The following SH3GL3 variants were observed in gnomAD, a reference collection of about 807,000 sequenced individuals.
SH3GL3 encodes endophilin-A3.
A neutral mutation model predicts 47.7 loss-of-function variants in SH3GL3; 33 were observed. The observed-to-expected ratio is 0.69, with a 90% CI of 0.52 to 0.92. The LOEUF is 0.92. Among genes scored for constraint, SH3GL3 ranks in the 40% least tolerant of loss-of-function variants. The pLI is 0.00. For synonymous variants in SH3GL3, 155 were observed against 148.8 expected (o/e 1.04, Z -0.30); for missense variants, 363 against 417.8 (o/e 0.87, Z 1.14).
At chr15:83,576,526 T>G in intron 5 of SH3GL3, 57 bp from the exon 6 acceptor site, 1 of 1,474,312 alleles carries the variant, frequency 6.8e-7, no homozygotes, top group Admixed American at 2.2e-5. Flanking sequence ...GAAATAATTT[T>G]TTGTGCCAGG....
chr15:83,612,941 A>T (rs1056798294), intron 8 of SH3GL3, among the ~76,000 whole-genome samples: 3 of 152,212 alleles, frequency 2.0e-5, no homozygotes, highest in African/African-American at 7.2e-5. Flanking sequence ...ATGTTTCACA[A>T]CTGAAATGGT....
chr15:83,588,831 T>C, intron 8 of SH3GL3, 60 bp downstream of exon 8: 1 of 863,146 alleles, frequency 1.2e-6, no homozygotes, highest in Non-Finnish European at 2.0e-6. Context: ...TAGAAACACT[T>C]ATTTACTGCT....
chr15:83,450,254 T>C (rs969292047), intron 1 of SH3GL3, among the ~76,000 whole-genome samples: 1 of 152,190 alleles, frequency 6.6e-6, no homozygotes, highest in Non-Finnish European at 1.5e-5. Flanking sequence ...TTTAAGAGAA[T>C]TGTATGGTAT....
At chr15:83,611,710 C>G (rs1210585920) in intron 8 of SH3GL3, 1 of 152,278 alleles carries the variant, frequency 6.6e-6, no homozygotes, top group Non-Finnish European at 1.5e-5. Context: ...TAGGATCAGT[C>G]TTTTCTTACG....
At chr15:83,605,818 C>G (rs1372310924) in intron 8 of SH3GL3, among the ~76,000 whole-genome samples, 2 of 152,012 alleles carry the variant, frequency 1.3e-5, no homozygotes, top group Non-Finnish European at 2.9e-5. Context: ...CCCCTCTGTC[C>G]CCAAAGAGAA....
At chr15:83,615,860 G>T (rs1263334854) in intron 8 of SH3GL3, among the ~76,000 whole-genome samples, 1 of 151,958 alleles carries the variant, frequency 6.6e-6, no homozygotes, top group Non-Finnish European at 1.5e-5. Flanking sequence ...AATCCAAATA[G>T]ATTATAAAAG....
intron 1 of SH3GL3, among the ~76,000 whole-genome samples, chr15:83,494,735 G>T (rs990296504): frequency 6.6e-6 from 1 of 152,016 alleles, no homozygotes; most frequent in Non-Finnish European, 1.5e-5. Context: ...TAGAGATGGG[G>T]TTTCACCATG....
At chr15:83,595,616 T>C (rs1226766081) in intron 8 of SH3GL3, among the ~76,000 whole-genome samples, 2 of 88,442 alleles carry the variant, frequency 2.3e-5, no homozygotes, top group East Asian at 5.9e-4. Flanking sequence ...AAGTTACTCC[T>C]TGTTTTTTTT....
chr15:83,546,417 T>C (rs1315756163), intron 1 of SH3GL3, among the ~76,000 whole-genome samples: 25 of 129,750 alleles, frequency 1.9e-4, no homozygotes, highest in Middle Eastern at 7.0e-3. Flanking sequence ...GGGTCTCTCC[T>C]TTCAATGCAG....
rs145973132 is a variant in SH3GL3 at position 83,603,085 on chromosome 15, C to T, written c.838+14314C>T. Among the ~76,000 whole-genome samples, 242 of 151,632 alleles carry T rather than the reference C, an allele frequency of 1.6e-3. 1 individual carries two copies. Among genetic ancestry groups the T allele is most frequent in the African/African-American group, 5.6e-3 (231 of 41,278 alleles). Reference sequence around the variant, plus strand: ...TGGGATCTCGGCCCACTGCAACCTCCGCTTCCCAGGTTCAAGCAATTCTTG... The same window carrying T: ...TGGGATCTCGGCCCACTGCAACCTCTGCTTCCCAGGTTCAAGCAATTCTTG... On this transcript the variant is annotated intron_variant, in intron 8 of 8. Coordinates refer to ENST00000427482, the MANE Select transcript of SH3GL3 (RefSeq NM_003027.5).
rs10661412 is a variant in SH3GL3 at position 83,616,251 on chromosome 15, C to CTTTT, written c.839-1815_839-1812dup. ...AAAGTAATGGTAAAAATTGTGATTG[C>CTTTT]TTTTTTTTTTTTTTTTTTTGAGATG... On this transcript the variant is annotated intron_variant, in intron 8 of 8. Transcript: ENST00000427482. Among the ~76,000 whole-genome samples, 74 of 114,154 alleles carry CTTTT rather than the reference C, an allele frequency of 6.5e-4. 2 individuals carry two copies. Among genetic ancestry groups the CTTTT allele is most frequent in the African/African-American group, 1.8e-3 (53 of 29,062 alleles). 74.9% of individuals were successfully genotyped at this position (114,154 alleles called of 152,430 possible).
At chr15:83,565,108 A>C (rs763064369) in intron 2 of SH3GL3, 26 bp from the exon 3 acceptor site, 1 of 1,056,106 alleles carries the variant, frequency 9.5e-7, no homozygotes, top group Non-Finnish European at 1.4e-6. Context: ...GTCATTTACT[A>C]ACTTTTTTTA....
chr15:83,490,223 T>G (rs904910967), intron 1 of SH3GL3, among the ~76,000 whole-genome samples: 3 of 151,566 alleles, frequency 2.0e-5, no homozygotes, highest in Non-Finnish European at 2.9e-5. Flanking sequence ...GGCTTCTTTC[T>G]GCTGTGGGAT....
chr15:83,479,084 C>T (rs1239806107), intron 1 of SH3GL3, among the ~76,000 whole-genome samples: 1 of 152,138 alleles, frequency 6.6e-6, no homozygotes, highest in South Asian at 2.1e-4. Context: ...ACATTTCCGT[C>T]GTACGGCATG....
chr15:83,555,701 C>T (rs568777571), intron 1 of SH3GL3, among the ~76,000 whole-genome samples: 1 of 152,156 alleles, frequency 6.6e-6, no homozygotes, highest in Non-Finnish European at 1.5e-5. Flanking sequence ...TTCCCAGCCT[C>T]ATTTGCTTTT....
intron 1 of SH3GL3, among the ~76,000 whole-genome samples, chr15:83,507,538 C>A (rs1488500525): frequency 6.6e-6 from 1 of 151,926 alleles, no homozygotes; most frequent in Non-Finnish European, 1.5e-5. Context: ...CCTCTGCCTC[C>A]CGAGTAGCTG....
intron 1 of SH3GL3, chr15:83,490,662 G>T (rs757796161): frequency 3.9e-5 from 41 of 1,042,308 alleles, no homozygotes; most frequent in Middle Eastern, 3.2e-4. Context: ...TTTCTATCTG[G>T]GCAGGATAGC....
intron 8 of SH3GL3, among the ~76,000 whole-genome samples, chr15:83,610,001 C>G (rs774197992): frequency 2.0e-4 from 30 of 152,218 alleles, no homozygotes; most frequent in Non-Finnish European, 3.2e-4. Flanking sequence ...AGCTGGAACT[C>G]AGGCTGAAGA....
chr15:83,534,985 G>C (rs892110075), intron 1 of SH3GL3, among the ~76,000 whole-genome samples: 1 of 152,102 alleles, frequency 6.6e-6, no homozygotes, highest in African/African-American at 2.4e-5. Flanking sequence ...TTAAACCCAG[G>C]AATGGAGGGA....
Sources: allele counts gnomAD v4.1 joint callset (sites outside exome capture counted in the v4.1 genomes callset), GRCh38; gene constraint gnomAD v4.1.1; transcripts MANE v1.5; gene names NCBI Gene and HGNC (gene_info 2026-07-23, HGNC 2026-07-21).